The following JAKMIP1 variants were observed in gnomAD, a reference collection of about 807,000 sequenced individuals.
JAKMIP1 encodes the protein janus kinase and microtubule-interacting protein 1.
JAKMIP1 carries 33 observed loss-of-function variants against 113.0 expected under a neutral mutation model. The ratio of observed to expected loss-of-function variants is 0.29; its 90% CI spans 0.22 to 0.39. JAKMIP1 has a LOEUF of 0.39. Ranked by LOEUF, JAKMIP1 falls within the 10% of genes least tolerant of loss-of-function variation. The probability of loss-of-function intolerance (pLI) is 1.00; values close to 1 mark genes in which losing one functional copy is unlikely to be tolerated. For synonymous variants in JAKMIP1, 480 were observed against 459.9 expected (o/e 1.04, Z -0.56); for missense variants, 813 against 1,080.5 (o/e 0.75, Z 3.47).
rs1346856717 is a variant in JAKMIP1, at chr4:6,076,912, G to A, written c.1302+2027C>T. Among the ~76,000 whole-genome samples, 1 of 152,142 alleles carries A rather than the reference G, an allele frequency of 6.6e-6. No individual in the cohort carries two copies. The highest frequency in any genetic ancestry group is 1.5e-5 in the Non-Finnish European group (1 of 68,028). On this transcript the variant is annotated intron_variant, in intron 8 of 20. Transcript: ENST00000409021. The surrounding 1 kb of genome is among the most constrained non-coding windows in gnomAD (Gnocchi z 4.8). The stretch of plus-strand genomic sequence containing the variant: ...TACTGCAACCTGTCACATGAGGCCA[G>A]GTGTGAAATTTCCCTGGCCTCATGT...
At position 6,167,242 on chromosome 4, in the gene JAKMIP1, C is replaced by T. The variant is rs1376003139; in HGVS notation, c.-148+33011G>A. ...TGAGTCCACTTGGAGCACTCCCTCCCTCCCTCTTGCATCCAAGCAGTCCCC... is the reference window on the plus strand; with the variant it reads ...TGAGTCCACTTGGAGCACTCCCTCCTTCCCTCTTGCATCCAAGCAGTCCCC... On this transcript the variant is annotated intron_variant, in intron 1 of 20. Transcript: ENST00000409021. This position sits in a 1 kb window ranked among gnomAD's most constrained non-coding sequence, Gnocchi z 5.3. Among the ~76,000 whole-genome samples, 1 of 152,102 alleles carries T rather than the reference C, an allele frequency of 6.6e-6. No individual in the cohort carries two copies. The highest frequency in any genetic ancestry group is 1.5e-5 in the Non-Finnish European group (1 of 67,994).
intron 2 of JAKMIP1, among the ~76,000 whole-genome samples, chr4:6,109,434 G>A (rs1714552997): frequency 6.6e-6 from 1 of 151,816 alleles, no homozygotes; most frequent in Admixed American, 6.6e-5. Context: ...CGGAGCCTGG[G>A]GCATCTTATA....
At chr4:6,124,413 T>C (rs1204089901) in intron 1 of JAKMIP1, among the ~76,000 whole-genome samples, 1 of 152,138 alleles carries the variant, frequency 6.6e-6, no homozygotes, top group Admixed American at 6.5e-5. Flanking sequence ...AATCCACAAA[T>C]GGGCCTCAGG....
intron 12 of JAKMIP1, among the ~76,000 whole-genome samples, chr4:6,055,928 C>T (rs777531255): frequency 6.7e-6 from 1 of 149,640 alleles, no homozygotes; most frequent in Non-Finnish European, 1.5e-5. Flanking sequence ...TGCAGAGTGT[C>T]CCCAGAGGTC....
chr4:6,130,445 C>T (rs911897644), intron 1 of JAKMIP1, among the ~76,000 whole-genome samples: 5 of 152,192 alleles, frequency 3.3e-5, no homozygotes, highest in African/African-American at 1.2e-4. Flanking sequence ...AAAACCTCCA[C>T]AGGAACCAGT....
At chr4:6,075,927 A>G (rs1487312037) in intron 8 of JAKMIP1, among the ~76,000 whole-genome samples, 1 of 152,198 alleles carries the variant, frequency 6.6e-6, no homozygotes, top group Non-Finnish European at 1.5e-5. Flanking sequence ...CTGTAATCCC[A>G]GCACTTTGGG....
chr4:6,171,308 C>T (rs528914147), intron 1 of JAKMIP1, among the ~76,000 whole-genome samples: 1 of 151,268 alleles, frequency 6.6e-6, no homozygotes, highest in South Asian at 2.1e-4. Context: ...AACATCAACA[C>T]CATCAACATC....
In JAKMIP1 at chr4:6,153,347, G is replaced by A. The variant is rs180887773; in HGVS notation, c.-147-40350C>T. Among the ~76,000 whole-genome samples, 58 of 151,970 alleles carry A rather than the reference G, an allele frequency of 3.8e-4. 1 individual carries two copies. Among genetic ancestry groups the A allele is most frequent in the South Asian group, 1.0e-3 (5 of 4,822 alleles). The stretch of plus-strand genomic sequence containing the variant: ...AGATCTGGGTGAGAAGAGGAGCCAC[G>A]CTGAGCATCAGGAGCCCTGGGATTT... On this transcript the variant is annotated intron_variant, in intron 1 of 20. Transcript: ENST00000409021. This position sits in a 1 kb window ranked among gnomAD's most constrained non-coding sequence, Gnocchi z 4.9.
intron 9 of JAKMIP1, among the ~76,000 whole-genome samples, chr4:6,063,964 G>A (rs1055296777): frequency 6.6e-6 from 1 of 152,214 alleles, no homozygotes; most frequent in Non-Finnish European, 1.5e-5. Flanking sequence ...CGATCCACCT[G>A]CCCCTGCCGG....
chr4:6,179,202 A>C lies in JAKMIP1; in HGVS notation c.-148+21051T>G, dbSNP rs1236611137. Among the ~76,000 whole-genome samples, 2 of 152,196 alleles carry C rather than the reference A, an allele frequency of 1.3e-5. No homozygotes were observed. The highest frequency in any genetic ancestry group is 3.9e-4 in the East Asian group (2 of 5,186). On this transcript the variant is annotated intron_variant, in intron 1 of 20. Coordinates refer to ENST00000409021, the MANE Select transcript of JAKMIP1 (RefSeq NM_001099433.2). The surrounding 1 kb of genome is among the most constrained non-coding windows in gnomAD (Gnocchi z 4.5). Reference sequence around the variant, plus strand: ...TTGCTGAAACCACCTGGGCAGCCCTATGTGGCTGGAGAGAGGGTGAGATTC... The same window carrying C: ...TTGCTGAAACCACCTGGGCAGCCCTCTGTGGCTGGAGAGAGGGTGAGATTC...
Position 6,186,196 on chromosome 4 carries a change from C to T in JAKMIP1, c.-148+14057G>A, listed in dbSNP as rs1054644858. On this transcript the variant is annotated intron_variant, in intron 1 of 20. Coordinates refer to ENST00000409021, the MANE Select transcript of JAKMIP1 (RefSeq NM_001099433.2). This position sits in a 1 kb window ranked among gnomAD's most constrained non-coding sequence, Gnocchi z 5.5. Reference sequence around the variant, plus strand: ...AACAGCCGACGAGGCTTCCCTGGAGCTTGCCAGGGGCAGGTCAGGCGGATG... The same window carrying T: ...AACAGCCGACGAGGCTTCCCTGGAGTTTGCCAGGGGCAGGTCAGGCGGATG... Among the ~76,000 whole-genome samples the T allele has an allele frequency of 3.3e-5, 5 of 152,208 alleles. No individual in the cohort carries two copies. The highest frequency in any genetic ancestry group is 1.2e-4 in the African/African-American group (5 of 41,456).
chr4:6,109,666 G>A (rs1055238964), intron 2 of JAKMIP1, among the ~76,000 whole-genome samples: 8 of 152,020 alleles, frequency 5.3e-5, no homozygotes, highest in African/African-American at 1.7e-4. Context: ...CAGGCATGGA[G>A]CATGCATGCC....
intron 3 of JAKMIP1, among the ~76,000 whole-genome samples, chr4:6,087,236 G>C (rs1036453437): frequency 6.6e-6 from 1 of 152,172 alleles, no homozygotes; most frequent in African/African-American, 2.4e-5. Flanking sequence ...TGATAGCAGA[G>C]AGAAGCAGGC....
chr4:6,189,398 G>C (rs1393486453), intron 1 of JAKMIP1, among the ~76,000 whole-genome samples: 1 of 152,192 alleles, frequency 6.6e-6, no homozygotes, highest in Non-Finnish European at 1.5e-5. Flanking sequence ...TCAGACAATT[G>C]ACTGTCACTA....
rs540475261 is a variant in JAKMIP1 at position 6,127,606 on chromosome 4, G to A, written c.-147-14609C>T. 1.6e-4 allele frequency among the ~76,000 whole-genome samples: 25 copies of A among 152,250 alleles called. No homozygotes were observed. In the South Asian group the frequency reaches 3.5e-3, roughly 21 times the overall value. Reference sequence around the variant, plus strand: ...ACTTGGCAGGCTGGGAGGTGGCCCCGCACCGTGTGAAGAGAAACAATGTGA... The same window carrying A: ...ACTTGGCAGGCTGGGAGGTGGCCCCACACCGTGTGAAGAGAAACAATGTGA... On this transcript the variant is annotated intron_variant, in intron 1 of 20. Transcript: ENST00000409021.
chr4:6,084,634 G>C (rs534704628), intron 5 of JAKMIP1, among the ~76,000 whole-genome samples: 1 of 152,110 alleles, frequency 6.6e-6, no homozygotes, highest in African/African-American at 2.4e-5. Context: ...TTCTCCAGTT[G>C]TTTGCTAAAG....
chr4:6,169,054 T>G (rs1724003909), intron 1 of JAKMIP1, among the ~76,000 whole-genome samples: 1 of 152,240 alleles, frequency 6.6e-6, no homozygotes. Flanking sequence ...TAGATAGTGA[T>G]GATGGTTGCA....
chr4:6,172,051 T>C (rs1366833021), intron 1 of JAKMIP1, among the ~76,000 whole-genome samples: 2 of 152,192 alleles, frequency 1.3e-5, no homozygotes, highest in African/African-American at 4.8e-5. Context: ...CCTGGACACA[T>C]CCCACACCAG....
At chr4:6,122,163 A>G in intron 1 of JAKMIP1, among the ~76,000 whole-genome samples, 1 of 152,104 alleles carries the variant, frequency 6.6e-6, no homozygotes, top group Non-Finnish European at 1.5e-5. Context: ...TGGTCAAGAT[A>G]GTGAAACCCC....
Sources: gnomAD v4.1 joint callset for allele counts (sites outside exome capture counted in the v4.1 genomes callset) on GRCh38, gnomAD v4.1.1 for gene constraint, Gnocchi (gnomAD v3.1) non-coding constraint, MANE v1.5 for transcripts, NCBI Gene and HGNC (gene_info 2026-07-23, HGNC 2026-07-21) for gene names.